The following WDR4 variants were observed in gnomAD, a reference collection of about 807,000 sequenced individuals.
WDR4 encodes the protein WDR4 tRNA N7-guanosine methyltransferase non-catalytic subunit.
A neutral mutation model predicts 48.6 loss-of-function variants in WDR4; 47 were observed. The ratio of observed to expected loss-of-function variants is 0.97; its 90% CI spans 0.77 to 1.23. WDR4 has a LOEUF of 1.23. Ranked by LOEUF, WDR4 falls within the 50% of genes most tolerant of loss-of-function variation. The pLI is 0.00. For synonymous variants in WDR4, 268 were observed against 230.0 expected, an observed-to-expected ratio of 1.17 and a Z score of -1.49; for missense variants, 606 against 551.6, an observed-to-expected ratio of 1.10 and a Z score of -0.99.
the WDR4 span, among the ~76,000 whole-genome samples, chr21:42,892,127 G>A: frequency 4.0e-5 from 6 of 151,820 alleles, no homozygotes; most frequent in African/African-American, 1.5e-4. Context: ...GGTGGCGGGT[G>A]CCTGTAGTCC....
rs1166613103 is a variant in WDR4, at chr21:42,876,783, A to G, written c.90-16T>C. The G allele has an allele frequency of 1.2e-6, 2 of 1,600,530 alleles. No homozygotes were observed. Among genetic ancestry groups the G allele is most frequent in the South Asian group, 1.1e-5 (1 of 87,882 alleles). On this transcript the variant is annotated splice_polypyrimidine_tract_variant and intron_variant, in intron 1 of 10. Coordinates refer to ENST00000398208, the MANE Select transcript of WDR4 (RefSeq NM_018669.6). ...GTCATCATCACTAAAGAGAAATAAC[A>G]ATAATTTTAAAAGGAGTTATCATTA...
chr21:42,849,916 G>A lies in WDR4; in HGVS notation c.*133C>T. 1 of 1,102,258 alleles carries A rather than the reference G, an allele frequency of 9.1e-7. No individual in the cohort carries two copies. 68.3% of individuals were successfully genotyped at this position (1,102,258 alleles called of 1,614,324 possible). The stretch of plus-strand genomic sequence containing the variant: ...CAGAATGTTCTTTCTAGAGCCCAGG[G>A]GACAGCCCCATCCTCTGAGCTGGTC... On this transcript the variant is annotated 3_prime_UTR_variant, in exon 11 of 11. Coordinates refer to ENST00000398208, the MANE Select transcript of WDR4 (RefSeq NM_018669.6).
upstream of WDR4, among the ~76,000 whole-genome samples, chr21:42,883,000 G>A (rs1350220878): frequency 1.3e-5 from 2 of 151,270 alleles, no homozygotes; most frequent in East Asian, 1.9e-4. Context: ...TTGGGAGGCT[G>A]AGGCAGGACA....
chr21:42,869,010 G>T (rs185313839), intron 3 of WDR4, among the ~76,000 whole-genome samples: 2 of 151,500 alleles, frequency 1.3e-5, no homozygotes, highest in South Asian at 2.1e-4. Flanking sequence ...CTGCCCTGGC[G>T]GGGGGGAACA....
Position 42,873,700 on chromosome 21 carries a change from G to A in WDR4, c.156-9C>T, listed in dbSNP as rs758665412. 1 of 1,612,294 alleles carries A rather than the reference G, an allele frequency of 6.2e-7. No homozygotes were observed. The highest frequency in any genetic ancestry group is 1.3e-5 in the African/African-American group (1 of 74,932). ...CCAAGGGCGCGTCCTCCCTGAGGAAGAGAGGAGGAAGACGGTTAAGCTTCA... is the reference window on the plus strand; with the variant it reads ...CCAAGGGCGCGTCCTCCCTGAGGAAAAGAGGAGGAAGACGGTTAAGCTTCA... On this transcript the variant is annotated splice_polypyrimidine_tract_variant and intron_variant, in intron 2 of 10. Coordinates refer to ENST00000398208, the MANE Select transcript of WDR4 (RefSeq NM_018669.6).
chr21:42,856,224 G>A (rs778822311), intron 6 of WDR4, among the ~76,000 whole-genome samples: 1 of 152,142 alleles, frequency 6.6e-6, no homozygotes, highest in Non-Finnish European at 1.5e-5. Flanking sequence ...CGTGGCCACT[G>A]CTCCACTTCA....
In WDR4 at chr21:42,865,813, A is replaced by C. The variant is rs143521556; in HGVS notation, c.297-2217T>G. Among the ~76,000 whole-genome samples, 578 of 152,106 alleles carry C rather than the reference A, an allele frequency of 3.8e-3. 4 individuals are homozygous for C. The highest frequency in any genetic ancestry group is 0.013 in the African/African-American group (532 of 41,510). On this transcript the variant is annotated intron_variant, in intron 3 of 10. Coordinates refer to ENST00000398208, the MANE Select transcript of WDR4 (RefSeq NM_018669.6). The stretch of plus-strand genomic sequence containing the variant: ...GGTTCAGGGCCCAGAGACCAGCAGA[A>C]CCTAGCAAGTAACCACCCATCTCCA...
chr21:42,867,393 CAAAAA>C (rs1209418380), intron 3 of WDR4, among the ~76,000 whole-genome samples: 2 of 133,518 alleles, frequency 1.5e-5, no homozygotes, highest in Admixed American at 1.7e-4. Flanking sequence ...TCCGCTCCAC[CAAAAA>C]AAAAAAAAAA....
At chr21:42,873,358 C>T (rs1289738751) in intron 3 of WDR4, among the ~76,000 whole-genome samples, 193 bp downstream of exon 3, 1 of 152,184 alleles carries the variant, frequency 6.6e-6, no homozygotes, top group African/African-American at 2.4e-5. Context: ...ACCCCTGCAC[C>T]CTCCCAGAAC....
At chr21:42,880,397 G>C (rs1433960474), upstream of WDR4, among the ~76,000 whole-genome samples, 1 of 152,098 alleles carries the variant, frequency 6.6e-6, no homozygotes, top group Non-Finnish European at 1.5e-5. Context: ...GGCTTGTCCG[G>C]TGCAGCTCCT....
chr21:42,866,954 G>A (rs1349568324), intron 3 of WDR4, among the ~76,000 whole-genome samples: 2 of 152,306 alleles, frequency 1.3e-5, no homozygotes, highest in African/African-American at 4.8e-5. Context: ...CCTACACCAA[G>A]GTCAGGAGAA....
At chr21:42,881,207 C>T (rs1268593239), upstream of WDR4, among the ~76,000 whole-genome samples, 2 of 152,100 alleles carry the variant, frequency 1.3e-5, no homozygotes, top group African/African-American at 4.8e-5. Flanking sequence ...CGCCCAGCCA[C>T]TTGTTAACAT....
At chr21:42,873,506 G>A (rs1347210273) in intron 3 of WDR4, 45 bp downstream of exon 3, 4 of 1,609,458 alleles carry the variant, frequency 2.5e-6, no homozygotes, top group South Asian at 2.2e-5. Context: ...GCAAGGATAA[G>A]GTGTGCATTC....
intron 1 of WDR4, 83 bp downstream of exon 1, chr21:42,879,324 G>A (rs2058577780): frequency 6.4e-7 from 1 of 1,559,314 alleles, no homozygotes; most frequent in Non-Finnish European, 8.7e-7. Flanking sequence ...GTGCGACCAG[G>A]CGGTGCGGGA....
At chr21:42,846,416 G>A (rs536203433), downstream of WDR4, among the ~76,000 whole-genome samples, 2 of 152,328 alleles carry the variant, frequency 1.3e-5, no homozygotes, top group Non-Finnish European at 2.9e-5. Context: ...AGGGAACATG[G>A]GCGTGGGGGC....
downstream of WDR4, among the ~76,000 whole-genome samples, chr21:42,844,575 C>T (rs552304558): frequency 1.4e-4 from 22 of 152,278 alleles, no homozygotes; most frequent in South Asian, 1.5e-3. Flanking sequence ...GTGAGAACCT[C>T]GGAACCCCAC....
At chr21:42,881,908 G>A (rs562856764), upstream of WDR4, among the ~76,000 whole-genome samples, 52 of 152,184 alleles carry the variant, frequency 3.4e-4, no homozygotes, top group African/African-American at 1.1e-3. Flanking sequence ...GGGTTCAAGC[G>A]ATTCTGCATC....
intron 2 of WDR4, among the ~76,000 whole-genome samples, chr21:42,874,528 A>G (rs530709412): frequency 2.0e-5 from 3 of 152,332 alleles, no homozygotes; most frequent in African/African-American, 7.2e-5. Flanking sequence ...TCTTCCTTCA[A>G]AAGCAAATGG....
At chr21:42,845,579 C>A (rs1377742896), downstream of WDR4, among the ~76,000 whole-genome samples, 2 of 152,174 alleles carry the variant, frequency 1.3e-5, no homozygotes, top group African/African-American at 4.8e-5. Context: ...AGAACAGGAT[C>A]AAGGTTAGGT....
Sources: gnomAD v4.1 joint callset for allele counts (sites outside exome capture counted in the v4.1 genomes callset) on GRCh38, gnomAD v4.1.1 for gene constraint, MANE v1.5 for transcripts, NCBI Gene and HGNC (gene_info 2026-07-23, HGNC 2026-07-21) for gene names.